The following PMEPA1 variants were observed in gnomAD, a reference collection of about 807,000 sequenced individuals.
PMEPA1 encodes prostate transmembrane protein, androgen induced 1.
PMEPA1 carries 11 observed loss-of-function variants against 23.0 expected under a neutral mutation model. That is an observed-to-expected ratio of 0.48 (90% CI 0.30 to 0.79). The LOEUF (loss-of-function observed/expected upper bound fraction) is 0.79, where lower values mean the gene tolerates loss of function less well. PMEPA1 is among the 30% of genes least tolerant of loss of function. The pLI is 0.06. For synonymous variants in PMEPA1, 204 were observed against 166.4 expected (o/e 1.23, Z -1.74); for missense variants, 377 against 390.9 (o/e 0.96, Z 0.30).
At chr20:57,669,650 C>T (rs555479129) in intron 1 of PMEPA1, among the ~76,000 whole-genome samples, 1 of 152,168 alleles carries the variant, frequency 6.6e-6, no homozygotes, top group African/African-American at 2.4e-5. Context: ...AAAAGAACAA[C>T]AAATATGTTT....
chr20:57,652,346 T>C lies in PMEPA1; in HGVS notation c.571A>G (p.Ile191Val). 6.2e-7 allele frequency: 1 copy of C among 1,612,872 alleles called. No homozygotes were observed. Reference protein sequence around the residue: ...ESVRAPPNRTIFDSDLMDSAR... With the variant: ...ESVRAPPNRTVFDSDLMDSAR... ...CTATCCATCAGGTCACTGTCGAAGA[T>C]GGTTCTGTTTGGGGGTGCGCGCACC... Residue 191 changes from isoleucine (I) to valine (V), a missense_variant, in exon 4 of 4, where the codon ATC becomes GTC. By Grantham distance (29) the Ile-to-Val change is conservative. This residue lies in a region of PMEPA1 where 176 missense variants were observed against 173.0 expected (regional missense o/e 1.02). Transcript: ENST00000341744. This position sits in a 1 kb window ranked among gnomAD's most constrained non-coding sequence, Gnocchi z 6.1.
At chr20:57,654,406 C>A (rs968712699) in intron 2 of PMEPA1, among the ~76,000 whole-genome samples, 2 of 152,090 alleles carry the variant, frequency 1.3e-5, no homozygotes, top group African/African-American at 4.8e-5. Context: ...TACCGCTCAC[C>A]TGCAGCCTGG....
chr20:57,666,032 C>A (rs1416996002), intron 1 of PMEPA1, among the ~76,000 whole-genome samples: 1 of 151,932 alleles, frequency 6.6e-6, no homozygotes, highest in Non-Finnish European at 1.5e-5. Context: ...GGGGCTCCTG[C>A]CATTTTTCTT....
At chr20:57,674,235 A>C (rs2071606424) in intron 1 of PMEPA1, among the ~76,000 whole-genome samples, 1 of 152,206 alleles carries the variant, frequency 6.6e-6, no homozygotes, top group Non-Finnish European at 1.5e-5. Context: ...GTGACCTGAT[A>C]AGAAGAGACA....
At position 57,700,030 on chromosome 20, in the gene PMEPA1, A is replaced by C. The variant is rs1346751855; in HGVS notation, c.109+9444T>G. 8 of 471,088 alleles carry C rather than the reference A, an allele frequency of 1.7e-5. No individual in the cohort carries two copies. The Admixed American group carries it at 1.9e-4, about 11-fold the overall frequency. 29.2% of individuals were successfully genotyped at this position (471,088 alleles called of 1,614,324 possible). ...TAAAAACACACCTTTTTGTATTCTT[A>C]ACCACTGACACTCAGGCAAATTCAT... is the stretch of plus-strand genomic sequence containing the variant. On this transcript the variant is annotated intron_variant, in intron 1 of 3. Coordinates refer to ENST00000341744, the MANE Select transcript of PMEPA1 (RefSeq NM_020182.5).
In PMEPA1 at chr20:57,709,649, C is replaced by G. The variant is rs1450627966; in HGVS notation, c.-67G>C. On this transcript the variant is annotated 5_prime_UTR_variant, in exon 1 of 4. Transcript: ENST00000341744. Reference sequence around the variant, plus strand: ...GGCGGCCGGGGGGGGCTCCGGCCGGCGCCCGGAGCTGGGGCCCCGCATGCA... The same window carrying G: ...GGCGGCCGGGGGGGGCTCCGGCCGGGGCCCGGAGCTGGGGCCCCGCATGCA... 2.1e-6 allele frequency: 2 copies of G among 974,180 alleles called. No homozygotes were observed. Among genetic ancestry groups the G allele is most frequent in the African/African-American group, 3.6e-5 (2 of 55,660 alleles). 60.3% of individuals were successfully genotyped at this position (974,180 alleles called of 1,614,324 possible). A position where few individuals can be genotyped will look rare whatever the true frequency, so the allele number is the denominator to read the frequency against.
At chr20:57,667,566 AAC>A (rs1293943295) in intron 1 of PMEPA1, among the ~76,000 whole-genome samples, 11 of 152,018 alleles carry the variant, frequency 7.2e-5, no homozygotes, top group Non-Finnish European at 1.3e-4. Context: ...CCGCCACCCC[AAC>A]AGTCTGTCCC....
At chr20:57,668,629 CAG>C (rs3068094) in intron 1 of PMEPA1, among the ~76,000 whole-genome samples, 183 of 152,332 alleles carry the variant, frequency 1.2e-3, no homozygotes, top group African/African-American at 4.2e-3. Context: ...AGCACCTCTG[CAG>C]AGTGAAACAG....
In PMEPA1 at chr20:57,651,854, C is replaced by G; in HGVS notation, c.*199G>C. 735 of 262,822 alleles carry G rather than the reference C, an allele frequency of 2.8e-3. No homozygotes were observed. Among genetic ancestry groups the G allele is most frequent in the Middle Eastern group, 5.3e-3 (5 of 944 alleles). The allele number at this position is 262,822 out of a possible 1,614,324, so 16.3% of individuals were successfully genotyped here. ...AACGTGGTTTTTTTTTTTCTTTTTT[C>G]TTTTTTTTTTTGCAAGCTCTCTTAG... On this transcript the variant is annotated 3_prime_UTR_variant, in exon 4 of 4. Coordinates refer to ENST00000341744, the MANE Select transcript of PMEPA1 (RefSeq NM_020182.5).
chr20:57,703,683 G>A (rs1254812046), intron 1 of PMEPA1, among the ~76,000 whole-genome samples: 2 of 152,212 alleles, frequency 1.3e-5, no homozygotes, highest in Admixed American at 6.5e-5. Flanking sequence ...GCCCCAGATG[G>A]GCCTGTTGAT....
intron 1 of PMEPA1, among the ~76,000 whole-genome samples, chr20:57,686,041 C>T (rs1201370249): frequency 6.6e-6 from 1 of 152,058 alleles, no homozygotes; most frequent in Admixed American, 6.6e-5. Context: ...AGGGTGACAC[C>T]CAAACACCCT....
chr20:57,657,168 C>T (rs117624379), intron 2 of PMEPA1, among the ~76,000 whole-genome samples: 2,136 of 152,280 alleles, frequency 0.014, 21 homozygotes, highest in Non-Finnish European at 0.023. Context: ...ACGGTACACT[C>T]TCCACTAACT....
intron 1 of PMEPA1, among the ~76,000 whole-genome samples, chr20:57,675,299 A>G (rs1385822617): frequency 6.6e-6 from 1 of 152,036 alleles, no homozygotes; most frequent in Non-Finnish European, 1.5e-5. Context: ...AAAACAAAGT[A>G]CCCACCCCGA....
chr20:57,700,224 A>G (rs1325847294), intron 1 of PMEPA1: 2 of 461,720 alleles, frequency 4.3e-6, no homozygotes, highest in African/African-American at 2.0e-5. Context: ...TGCCACTGAC[A>G]GACCCCTCCA....
At chr20:57,689,464 GC>G (rs2071847083) in intron 1 of PMEPA1, among the ~76,000 whole-genome samples, 1 of 152,172 alleles carries the variant, frequency 6.6e-6, no homozygotes, top group African/African-American at 2.4e-5. Flanking sequence ...CACCTCTGTG[GC>G]AACAGACACC....
intron 1 of PMEPA1, among the ~76,000 whole-genome samples, chr20:57,677,398 A>C (rs758689990): frequency 6.6e-5 from 10 of 152,078 alleles, no homozygotes; most frequent in Non-Finnish European, 1.5e-4. Flanking sequence ...TTGCTTGTTC[A>C]TTGTCAAGTG....
At chr20:57,706,386 CG>C (rs1392902813) in intron 1 of PMEPA1, among the ~76,000 whole-genome samples, 15 of 152,154 alleles carry the variant, frequency 9.9e-5, no homozygotes, top group Non-Finnish European at 1.5e-5. Flanking sequence ...CAAAAGTAGC[CG>C]CTTCAAGCTC....
intron 2 of PMEPA1, among the ~76,000 whole-genome samples, chr20:57,657,784 C>G (rs1258185651): frequency 2.6e-5 from 4 of 152,232 alleles, no homozygotes; most frequent in Non-Finnish European, 5.9e-5. Flanking sequence ...CTTGGCTCAG[C>G]CCAGGGACTC....
chr20:57,708,151 C>T lies in PMEPA1; in HGVS notation c.109+1323G>A, dbSNP rs116742298. On this transcript the variant is annotated intron_variant, in intron 1 of 3. Transcript: ENST00000341744. ...GGCTCAGGGGCCACAAACTGGCAGC[C>T]GCCTGCGGACACTTGCTTATGAGCC... Among the ~76,000 whole-genome samples the T allele has an allele frequency of 9.6e-3, 1,470 of 152,336 alleles. 20 individuals carry two copies. The highest frequency in any genetic ancestry group is 0.05 in the East Asian group (257 of 5,178).
Sources: gnomAD v4.1 joint callset for allele counts (sites outside exome capture counted in the v4.1 genomes callset) on GRCh38, gnomAD v4.1.1 for gene constraint, gnomAD v4.1.1 regional missense constraint, Gnocchi (gnomAD v3.1) non-coding constraint, MANE v1.5 for transcripts, NCBI Gene and HGNC (gene_info 2026-07-23, HGNC 2026-07-21) for gene names.